Variants in RMDN2 observed in about 807,000 individuals in gnomAD.
RMDN2 encodes regulator of microtubule dynamics protein 2.
RMDN2 carries 61 observed loss-of-function variants against 52.8 expected under a neutral mutation model. The observed-to-expected ratio is 1.16, with a 90% CI of 0.94 to 1.43. The LOEUF (loss-of-function observed/expected upper bound fraction) is 1.43. Among genes scored for constraint, RMDN2 ranks in the 40% most tolerant of loss-of-function variants. The pLI is 0.00. For synonymous variants in RMDN2, 180 were observed against 153.1 expected, an observed-to-expected ratio of 1.18 and a Z score of -1.30; for missense variants, 592 against 475.3, an observed-to-expected ratio of 1.25 and a Z score of -2.28.
chr2:37,944,563 G>T (rs1572730529), intron 2 of RMDN2, among the ~76,000 whole-genome samples: 1 of 152,214 alleles, frequency 6.6e-6, no homozygotes, highest in East Asian at 1.9e-4. Flanking sequence ...AATGTGTTTG[G>T]TCAAGTAAAA....
intron 2 of RMDN2, 97 bp from the exon 3 acceptor site, chr2:37,973,943 C>A: frequency 2.1e-6 from 2 of 956,892 alleles, no homozygotes; most frequent in Non-Finnish European, 3.2e-6. Flanking sequence ...GAGTTTCAAG[C>A]ATAAGAGGGG....
At chr2:38,067,046 C>T (rs1401018513) in exon 11 of RMDN2, 2 of 1,574,826 alleles carry the variant, frequency 1.3e-6, no homozygotes, top group African/African-American at 1.3e-5. Context: ...GAGTGTGGCA[C>T]AGTGAAGGCC....
chr2:38,042,209 T>C (rs183320328), intron 10 of RMDN2, among the ~76,000 whole-genome samples: 124 of 152,282 alleles, frequency 8.1e-4, no homozygotes, highest in African/African-American at 3.0e-3. Context: ...GTCCAGTTCA[T>C]CTAAGTTATC....
chr2:37,968,950 C>G (rs571274437), intron 2 of RMDN2, among the ~76,000 whole-genome samples: 1 of 151,964 alleles, frequency 6.6e-6, no homozygotes, highest in East Asian at 1.9e-4. Flanking sequence ...AATTCTCTTT[C>G]AGAACTTTCT....
chr2:37,922,527 T>C (rs905948091), upstream of RMDN2, among the ~76,000 whole-genome samples: 1 of 152,172 alleles, frequency 6.6e-6, no homozygotes, highest in Non-Finnish European at 1.5e-5. Flanking sequence ...CAAATAGTTA[T>C]CTAATATAGA....
At chr2:37,977,770 G>A (rs1428128024) in intron 4 of RMDN2, among the ~76,000 whole-genome samples, 2 of 151,408 alleles carry the variant, frequency 1.3e-5, no homozygotes, top group South Asian at 2.1e-4. Flanking sequence ...ATGGGTGGCC[G>A]GGCAGAGACG....
At chr2:37,969,020 C>T (rs781650983) in intron 2 of RMDN2, among the ~76,000 whole-genome samples, 10 of 149,780 alleles carry the variant, frequency 6.7e-5, no homozygotes, top group Non-Finnish European at 1.3e-4. Context: ...AGTAGGAAAC[C>T]AATTTTCCCA....
intron 2 of RMDN2, among the ~76,000 whole-genome samples, chr2:37,966,811 T>G (rs6708540): frequency 0.43 from 65,690 of 152,004 alleles, 15,600 homozygotes; most frequent in East Asian, 0.78. Flanking sequence ...TTTCACACTT[T>G]TTTGCACCAA....
chr2:38,021,354 C>T (rs908241158), downstream of RMDN2, among the ~76,000 whole-genome samples: 2 of 152,146 alleles, frequency 1.3e-5, no homozygotes, highest in Admixed American at 1.3e-4. Context: ...TAAAAGGCTG[C>T]CGGAACCAGC....
chr2:37,966,948 A>G (rs1226854323), intron 2 of RMDN2, among the ~76,000 whole-genome samples: 1 of 152,196 alleles, frequency 6.6e-6, no homozygotes, highest in East Asian at 1.9e-4. Flanking sequence ...AAATTGAAGC[A>G]AGAACAAACA....
chr2:37,985,899 T>G (rs1673945709), intron 5 of RMDN2, among the ~76,000 whole-genome samples: 2 of 152,184 alleles, frequency 1.3e-5, no homozygotes, highest in Non-Finnish European at 2.9e-5. Flanking sequence ...TTAATATTGG[T>G]TCATTGTGAC....
At chr2:38,015,142 A>G (rs1042886622) in intron 10 of RMDN2, among the ~76,000 whole-genome samples, 1 of 152,224 alleles carries the variant, frequency 6.6e-6, no homozygotes, top group African/African-American at 2.4e-5. Flanking sequence ...CCCCAACCCC[A>G]GTATCATCGT....
chr2:38,066,145 C>T (rs984149498), intron 10 of RMDN2, among the ~76,000 whole-genome samples: 12 of 152,182 alleles, frequency 7.9e-5, no homozygotes, highest in Admixed American at 3.9e-4. Context: ...ATTACTTTAT[C>T]GCATCCCTCT....
chr2:38,009,160 G>C (rs894580948), intron 10 of RMDN2, among the ~76,000 whole-genome samples: 2 of 152,094 alleles, frequency 1.3e-5, no homozygotes, highest in Non-Finnish European at 2.9e-5. Flanking sequence ...TTTCAACTTT[G>C]GTGAATCTGA....
Position 38,013,234 on chromosome 2 carries a change from G to A in RMDN2, c.1180-3952G>A, listed in dbSNP as rs17021836. Among the ~76,000 whole-genome samples the A allele has an allele frequency of 6.6e-3, 1,007 of 152,328 alleles. 15 individuals are homozygous for A. The highest frequency in any genetic ancestry group is 0.023 in the African/African-American group (940 of 41,566). On this transcript the variant is annotated intron_variant, in intron 10 of 10. Transcript: ENST00000354545. ...CAACCTGAAAGTTGTTTGCCTGGAG[G>A]CAGTATTAAAGTTCATCAACGTGGA... is the stretch of plus-strand genomic sequence containing the variant.
chr2:38,010,810 G>A (rs1240691882), intron 10 of RMDN2, among the ~76,000 whole-genome samples: 4 of 152,134 alleles, frequency 2.6e-5, no homozygotes, highest in African/African-American at 4.8e-5. Context: ...ACTCACGCTC[G>A]GAGCTGTAGA....
At chr2:38,055,617 A>G (rs1681830489) in intron 10 of RMDN2, among the ~76,000 whole-genome samples, 1 of 152,150 alleles carries the variant, frequency 6.6e-6, no homozygotes, top group South Asian at 2.1e-4. Flanking sequence ...CTTGGTCCTC[A>G]GGTTAGCTCC....
chr2:37,991,220 G>C lies in RMDN2; in HGVS notation c.868G>C (p.Glu290Gln). The part of the protein sequence containing the change: ...NKINYGHLFK[E>Q]HLDIAIKLLP... ...ATTTTCCTTTGGATGCTTTTTTCAG[G>C]AACATCTAGATATAGCAATCAAACT... The change falls in exon 7 of 11, where the codon GAA (glutamate) becomes CAA (glutamine). Residue 290 changes from glutamate (E) to glutamine (Q), a missense_variant and splice_region_variant. By Grantham distance (29) the Glu-to-Gln change is conservative. Coordinates refer to ENST00000354545, the MANE Select transcript of RMDN2 (RefSeq NM_001170791.3). 6.4e-7 allele frequency: 1 copy of C among 1,553,210 alleles called. No homozygotes were observed.
intron 2 of RMDN2, among the ~76,000 whole-genome samples, chr2:37,971,695 T>A (rs566217932): frequency 6.6e-6 from 1 of 152,314 alleles, no homozygotes; most frequent in South Asian, 2.1e-4. Context: ...TAGGCTCTGT[T>A]CTATCATTCA....
Sources: allele counts gnomAD v4.1 joint callset (sites outside exome capture counted in the v4.1 genomes callset), GRCh38; gene constraint gnomAD v4.1.1; transcripts MANE v1.5; gene names NCBI Gene and HGNC (gene_info 2026-07-23, HGNC 2026-07-21).